Variants in CCSER1 observed in about 807,000 individuals in gnomAD.
CCSER1 encodes serine-rich coiled-coil domain-containing protein 1.
A neutral mutation model predicts 82.0 loss-of-function variants in CCSER1; 41 were observed. The observed-to-expected ratio is 0.50, with a 90% CI of 0.39 to 0.65. The LOEUF (loss-of-function observed/expected upper bound fraction) is 0.65, where lower values mean the gene tolerates loss of function less well. Among genes scored for constraint, CCSER1 ranks in the 30% least tolerant of loss-of-function variants. CCSER1 has a pLI of 0.00. For synonymous variants in CCSER1, 414 were observed against 383.9 expected (o/e 1.08, Z -0.92); for missense variants, 1,119 against 1,064.2 (o/e 1.05, Z -0.72).
At chr4:91,468,557 GT>G (rs998384570) in intron 10 of CCSER1, among the ~76,000 whole-genome samples, 9 of 151,198 alleles carry the variant, frequency 6.0e-5, no homozygotes, top group Admixed American at 4.6e-4. Context: ...CATAGGAATA[GT>G]TTTTTTTGAT....
intron 3 of CCSER1, among the ~76,000 whole-genome samples, chr4:90,337,477 A>G (rs911224215): frequency 2.0e-5 from 3 of 152,190 alleles, no homozygotes; most frequent in African/African-American, 7.2e-5. Context: ...TGGAAAGTAT[A>G]GCACTTCAGC....
At chr4:91,080,724 AT>A (rs1231116563) in intron 9 of CCSER1, among the ~76,000 whole-genome samples, 1 of 152,188 alleles carries the variant, frequency 6.6e-6, no homozygotes, top group East Asian at 1.9e-4. Flanking sequence ...ATAAAAAATG[AT>A]AAAGGGGATA....
intron 6 of CCSER1, among the ~76,000 whole-genome samples, chr4:90,697,980 G>A (rs769465042): frequency 6.6e-6 from 1 of 152,118 alleles, no homozygotes; most frequent in Non-Finnish European, 1.5e-5. Flanking sequence ...CTTAACTGTT[G>A]AAATCATTAG....
chr4:90,536,978 G>A (rs547101509), intron 5 of CCSER1, among the ~76,000 whole-genome samples: 75 of 152,278 alleles, frequency 4.9e-4, no homozygotes, highest in African/African-American at 1.6e-3. Flanking sequence ...GTTTTGAAAA[G>A]CCTGCTGCTA....
intron 10 of CCSER1, among the ~76,000 whole-genome samples, chr4:91,225,117 G>A (rs1443268403): frequency 6.8e-6 from 1 of 146,352 alleles, no homozygotes; most frequent in Non-Finnish European, 1.5e-5. Context: ...GAAATAAAAT[G>A]TTACTGTGAT....
At chr4:90,609,040 G>A (rs200034096) in intron 5 of CCSER1, among the ~76,000 whole-genome samples, 4 of 151,714 alleles carry the variant, frequency 2.6e-5, no homozygotes, top group Non-Finnish European at 2.9e-5. Context: ...AAATAGTACC[G>A]CCTCCAAGAT....
At chr4:91,445,780 G>A (rs1364971762) in intron 10 of CCSER1, among the ~76,000 whole-genome samples, 1 of 151,848 alleles carries the variant, frequency 6.6e-6, no homozygotes, top group Non-Finnish European at 1.5e-5. Flanking sequence ...CAAAAAAATT[G>A]GCCCAAGTTG....
intron 1 of CCSER1, among the ~76,000 whole-genome samples, chr4:90,210,514 A>G (rs1424196552): frequency 1.3e-5 from 2 of 151,696 alleles, no homozygotes; most frequent in African/African-American, 4.8e-5. Context: ...TGAAATCACA[A>G]CTGAGTACAG....
At chr4:90,978,796 G>T (rs1735841108) in intron 9 of CCSER1, among the ~76,000 whole-genome samples, 1 of 151,712 alleles carries the variant, frequency 6.6e-6, no homozygotes, top group South Asian at 2.1e-4. Context: ...GATGGGAATT[G>T]TTTATGTGAT....
chr4:90,597,881 T>G (rs1404621439), intron 5 of CCSER1, among the ~76,000 whole-genome samples: 3 of 152,150 alleles, frequency 2.0e-5, no homozygotes, highest in Admixed American at 2.0e-4. Flanking sequence ...ATTCCACATA[T>G]AAATGCAATA....
chr4:91,100,008 T>C (rs906494792), intron 10 of CCSER1, among the ~76,000 whole-genome samples: 74 of 152,288 alleles, frequency 4.9e-4, no homozygotes, highest in African/African-American at 1.7e-3. Context: ...TTTCAAGACA[T>C]GGCAAAGAAA....
At chr4:91,547,932 C>G (rs12499497) in intron 10 of CCSER1, among the ~76,000 whole-genome samples, 16,107 of 152,060 alleles carry the variant, frequency 0.11, 1,006 homozygotes, top group Middle Eastern at 0.2. Context: ...CAGGCGCATG[C>G]CACCATGCCC....
At position 90,390,343 on chromosome 4, in the gene CCSER1, G is replaced by A. The variant is rs564220035; in HGVS notation, c.1510-9693G>A. 7.9e-5 allele frequency among the ~76,000 whole-genome samples: 12 copies of A among 152,190 alleles called. No individual in the cohort carries two copies. The South Asian group carries it at 2.3e-3, about 29-fold the overall frequency. ...GTACATGCACAGGTTTGTTACATGG[G>A]TATCATGATGCTGAGGTCTGAGGTA... On this transcript the variant is annotated intron_variant, in intron 3 of 10. Coordinates refer to ENST00000509176, the MANE Select transcript of CCSER1 (RefSeq NM_001145065.2).
chr4:90,245,453 T>A (rs2153437125), intron 1 of CCSER1, among the ~76,000 whole-genome samples: 1 of 152,228 alleles, frequency 6.6e-6, no homozygotes, highest in Non-Finnish European at 1.5e-5. Context: ...TTCTTATAAG[T>A]CACAGAGGTC....
intron 10 of CCSER1, among the ~76,000 whole-genome samples, chr4:91,107,448 G>A (rs1341223194): frequency 6.6e-6 from 1 of 151,968 alleles, no homozygotes; most frequent in African/African-American, 2.4e-5. Flanking sequence ...GTAGAGATGG[G>A]GTTTCACCAT....
intron 9 of CCSER1, among the ~76,000 whole-genome samples, chr4:91,072,665 C>A (rs1721556225): frequency 6.6e-6 from 1 of 151,998 alleles, no homozygotes; most frequent in South Asian, 2.1e-4. Context: ...CCAAAAGTAG[C>A]TCTGTAATGA....
chr4:91,230,857 C>T (rs1738574056), intron 10 of CCSER1, among the ~76,000 whole-genome samples: 1 of 151,696 alleles, frequency 6.6e-6, no homozygotes, highest in Non-Finnish European at 1.5e-5. Context: ...TACTTAAAGT[C>T]ATTAGGTTTC....
rs528214638 is a variant in CCSER1 at position 90,845,695 on chromosome 4, T to A, written c.2094+29850T>A. 6.7e-4 allele frequency among the ~76,000 whole-genome samples: 102 copies of A among 152,272 alleles called. 2 individuals are homozygous for A. In the South Asian group the frequency reaches 0.012, roughly 18 times the overall value. The stretch of plus-strand genomic sequence containing the variant: ...ATTCAGGATTCATATTAAATATATT[T>A]GTTAGTTAGTGCTTTTTTTTAAATT... On this transcript the variant is annotated intron_variant, in intron 8 of 10. Coordinates refer to ENST00000509176, the MANE Select transcript of CCSER1 (RefSeq NM_001145065.2).
At chr4:90,734,049 TAA>T (rs994673609) in intron 7 of CCSER1, among the ~76,000 whole-genome samples, 9 of 151,962 alleles carry the variant, frequency 5.9e-5, no homozygotes, top group Non-Finnish European at 1.0e-4. Flanking sequence ...GGATTGTTTT[TAA>T]TATTTTTGTG....
Sources: gnomAD v4.1 joint callset for allele counts (sites outside exome capture counted in the v4.1 genomes callset) on GRCh38, gnomAD v4.1.1 for gene constraint, MANE v1.5 for transcripts, NCBI Gene and HGNC (gene_info 2026-07-23, HGNC 2026-07-21) for gene names.